WDR36: variants seen among roughly 807,000 people sequenced by gnomAD.
The protein encoded by WDR36 is WD repeat-containing protein 36.
Under a neutral mutation model 112.7 loss-of-function variants are expected in WDR36, and 63 were observed. That is an observed-to-expected ratio of 0.56 (90% CI 0.46 to 0.69). The LOEUF (loss-of-function observed/expected upper bound fraction) is 0.69. Among genes scored for constraint, WDR36 ranks in the 30% least tolerant of loss-of-function variants. The pLI, the probability that WDR36 is intolerant of heterozygous loss-of-function variation, is 0.00. For missense variants in WDR36, 1,226 were observed against 1,070.3 expected (o/e 1.15, Z -2.03); for synonymous variants, 410 against 362.2 (o/e 1.13, Z -1.50).
chr5:111,095,164 C>A, intron 2 of WDR36: 1 of 530,696 alleles, frequency 1.9e-6, no homozygotes, highest in Non-Finnish European at 3.4e-6. Context: ...GTTCTTTAGA[C>A]TTTCTTTGTG....
chr5:111,096,560 C>T lies in WDR36; in HGVS notation c.191-519C>T, dbSNP rs1169782526. Among the ~76,000 whole-genome samples, 8 of 152,030 alleles carry T rather than the reference C, an allele frequency of 5.3e-5. No homozygotes were observed. In the East Asian group the frequency reaches 9.7e-4, roughly 18 times the overall value. ...CTCTTCTAAAAATACAAAAATTAGC[C>T]GGGTGTGGTGGTGCACTCCTATAAT... On this transcript the variant is annotated intron_variant, in intron 2 of 22. Transcript: ENST00000513710.
chr5:111,100,299 A>G (rs530746804), intron 4 of WDR36, among the ~76,000 whole-genome samples: 11 of 151,694 alleles, frequency 7.3e-5, no homozygotes, highest in African/African-American at 2.7e-4. Context: ...TTTTTTTTTA[A>G]CTTTATTATC....
At chr5:111,123,475 A>T (rs1057503689) in intron 19 of WDR36, among the ~76,000 whole-genome samples, 1 of 152,226 alleles carries the variant, frequency 6.6e-6, no homozygotes, top group Non-Finnish European at 1.5e-5. Flanking sequence ...TCAATACAAA[A>T]GGAAGTTTAA....
At chr5:111,124,628 G>A (rs1171670941) in intron 21 of WDR36, among the ~76,000 whole-genome samples, 2 of 152,120 alleles carry the variant, frequency 1.3e-5, no homozygotes, top group Non-Finnish European at 2.9e-5. Flanking sequence ...AAAAGGAAAT[G>A]TTTTAATCTG....
intron 4 of WDR36, among the ~76,000 whole-genome samples, chr5:111,099,213 T>G (rs143629267): frequency 0.021 from 3,188 of 152,218 alleles, 46 homozygotes; most frequent in Non-Finnish European, 0.032. Context: ...AAACTTGATC[T>G]TGTAATCTGA....
intron 17 of WDR36, 93 bp from the exon 18 acceptor site, chr5:111,120,402 TA>T (rs1429232009): frequency 2.0e-6 from 2 of 1,013,468 alleles, no homozygotes; most frequent in Admixed American, 3.6e-5. Flanking sequence ...TTTTAACTAA[TA>T]AAAGTCTGTA....
At chr5:111,113,053 T>A in intron 15 of WDR36, 21 bp from the exon 16 acceptor site, 1 of 204,800 alleles carries the variant, frequency 4.9e-6, no homozygotes, top group Non-Finnish European at 7.9e-6. Flanking sequence ...TATATATATA[T>A]TTTTTTTTTT....
intron 5 of WDR36, among the ~76,000 whole-genome samples, chr5:111,101,764 A>G (rs1258686896): frequency 6.6e-6 from 1 of 151,860 alleles, no homozygotes; most frequent in Non-Finnish European, 1.5e-5. Context: ...AACAAATACC[A>G]TTGACTGCCT....
At chr5:111,102,444 A>G (rs768665835) in intron 6 of WDR36, 45 bp downstream of exon 6, 3 of 1,555,798 alleles carry the variant, frequency 1.9e-6, no homozygotes, top group East Asian at 4.5e-5. Flanking sequence ...AGTTAATAGG[A>G]AAATCCTTCA....
chr5:111,124,272 G>A (rs1014327383), intron 21 of WDR36, 83 bp downstream of exon 21: 11 of 1,140,996 alleles, frequency 9.6e-6, no homozygotes, highest in Admixed American at 4.1e-5. Flanking sequence ...AAATATCAGC[G>A]TTCTCAGTAG....
chr5:111,110,979 T>C (rs561907839), intron 14 of WDR36, 26 bp downstream of exon 14: 1 of 1,609,356 alleles, frequency 6.2e-7, no homozygotes, highest in African/African-American at 1.3e-5. Flanking sequence ...TAATGGATTT[T>C]CTCTTTGATT....
intron 7 of WDR36, 64 bp from the exon 8 acceptor site, chr5:111,104,113 G>T: frequency 1.3e-6 from 2 of 1,484,416 alleles, no homozygotes; most frequent in Non-Finnish European, 1.8e-6. Context: ...GAAGAGAGAA[G>T]AATTCTTGTT....
rs1444681172 is a variant in WDR36, at chr5:111,127,557, T to A, written c.*674T>A. On this transcript the variant is annotated 3_prime_UTR_variant, in exon 23 of 23. Transcript: ENST00000513710. ...TTGTGTTGCAGGAGAGGAATCAGGC[T>A]AAAGTCTGCTGGTATTTCAGTGACA... 2 of 210,756 alleles carry A rather than the reference T, an allele frequency of 9.5e-6. No individual in the cohort carries two copies. The highest frequency in any genetic ancestry group is 5.9e-5 in the Admixed American group (1 of 16,976). 13.1% of individuals were successfully genotyped at this position (210,756 alleles called of 1,614,324 possible). A position where few individuals can be genotyped will look rare whatever the true frequency, so the allele number is the denominator to read the frequency against.
chr5:111,117,546 T>C (rs1753478387), intron 16 of WDR36, among the ~76,000 whole-genome samples: 1 of 152,304 alleles, frequency 6.6e-6, no homozygotes, highest in African/African-American at 2.4e-5. Flanking sequence ...CAATATAAAT[T>C]GGGTAGAACT....
intron 3 of WDR36, among the ~76,000 whole-genome samples, chr5:111,097,479 G>A (rs1230733681): frequency 2.0e-5 from 3 of 152,110 alleles, no homozygotes; most frequent in African/African-American, 7.2e-5. Flanking sequence ...TATATTTGTT[G>A]AGATAGGACA....
chr5:111,099,356 TC>T (rs1753064185), intron 4 of WDR36, among the ~76,000 whole-genome samples: 2 of 152,104 alleles, frequency 1.3e-5, no homozygotes, highest in South Asian at 4.1e-4. Flanking sequence ...TCTACACCTT[TC>T]CTCAATAAAA....
At chr5:111,099,428 A>G (rs1455256931) in intron 4 of WDR36, among the ~76,000 whole-genome samples, 1 of 91,578 alleles carries the variant, frequency 1.1e-5, no homozygotes, top group Non-Finnish European at 2.5e-5. Context: ...TTTTTAGCTT[A>G]TATTGCCTCT....
rs1382406003 is a variant in WDR36, at chr5:111,110,821, A to G, written c.1475A>G (p.Asp492Gly). Residue 492 changes from aspartate to glycine, a missense_variant, in exon 14 of 23, where the codon GAT (aspartate) becomes GGT (glycine). Physicochemically the swap from Asp to Gly is moderately conservative, Grantham distance 94. Coordinates refer to ENST00000513710, the MANE Select transcript of WDR36 (RefSeq NM_139281.3). ...HKGSVRGVAV[D>G]GLNQLTVTTG... ...GGATCTGTTAGAGGTGTCGCAGTGGATGGATTAAACCAGTTGACAGTTACA... is the reference window on the plus strand; with the variant it reads ...GGATCTGTTAGAGGTGTCGCAGTGGGTGGATTAAACCAGTTGACAGTTACA... 3 of 1,610,966 alleles carry G rather than the reference A, an allele frequency of 1.9e-6. No homozygotes were observed. Among genetic ancestry groups the G allele is most frequent in the African/African-American group, 2.7e-5 (2 of 74,630 alleles).
chr5:111,113,035 AATATATATATATATATATT>A lies in WDR36; in HGVS notation c.1717-38_1717-20del. The A allele has an allele frequency of 2.8e-6, 1 of 352,312 alleles. No homozygotes were observed. Among genetic ancestry groups the A allele is most frequent in the Non-Finnish European group, 4.3e-6 (1 of 232,542 alleles). 21.8% of individuals were successfully genotyped at this position (352,312 alleles called of 1,614,324 possible). Reference sequence around the variant, plus strand: ...TATTCATATATATTTATATATAAATAATATATATATATATATATTTTTTTTTTTTAATTTAAAGGCTTTT... The same window carrying A: ...TATTCATATATATTTATATATAAATATTTTTTTTTTAATTTAAAGGCTTTT... On this transcript the variant is annotated intron_variant, in intron 15 of 22. Coordinates refer to ENST00000513710, the MANE Select transcript of WDR36 (RefSeq NM_139281.3).
Sources: allele counts gnomAD v4.1 joint callset (sites outside exome capture counted in the v4.1 genomes callset), GRCh38; gene constraint gnomAD v4.1.1; transcripts MANE v1.5; gene names NCBI Gene and HGNC (gene_info 2026-07-23, HGNC 2026-07-21).